ISM1: variants seen among roughly 807,000 people sequenced by gnomAD.
ISM1 encodes isthmin-1.
A neutral mutation model predicts 46.3 loss-of-function variants in ISM1; 25 were observed. The observed-to-expected ratio is 0.54, with a 90% CI of 0.39 to 0.75. ISM1 has a LOEUF of 0.75. Ranked by LOEUF, ISM1 falls within the 30% of genes least tolerant of loss-of-function variation. The pLI, the probability that ISM1 is intolerant of heterozygous loss-of-function variation, is 0.00. For synonymous variants in ISM1, 255 were observed against 256.7 expected, an observed-to-expected ratio of 0.99 and a Z score of 0.06; for missense variants, 536 against 625.4, an observed-to-expected ratio of 0.86 and a Z score of 1.52.
At chr20:13,282,146 AT>A (rs200082889) in intron 3 of ISM1, among the ~76,000 whole-genome samples, 11 of 150,816 alleles carry the variant, frequency 7.3e-5, no homozygotes, top group East Asian at 5.9e-4. Flanking sequence ...CACCTGGGGA[AT>A]TTTTTTTTCA....
chr20:13,254,741 C>T lies in ISM1; in HGVS notation c.139-15763C>T, dbSNP rs138003515. ...GTCACCACACAGGTAAGGGCCAACACAGGAACAGAGCCAGGGAGAACTTTT... is the reference window on the plus strand; with the variant it reads ...GTCACCACACAGGTAAGGGCCAACATAGGAACAGAGCCAGGGAGAACTTTT... On this transcript the variant is annotated intron_variant, in intron 1 of 5. Transcript: ENST00000262487. Among the ~76,000 whole-genome samples, 396 of 152,334 alleles carry T rather than the reference C, an allele frequency of 2.6e-3. 3 individuals are homozygous for T. Among genetic ancestry groups the T allele is most frequent in the African/African-American group, 8.9e-3 (369 of 41,568 alleles).
the ISM1 span, among the ~76,000 whole-genome samples, chr20:13,307,724 T>C: frequency 0.79 from 119,934 of 152,216 alleles, 47,492 homozygotes; most frequent in East Asian, 0.87. Flanking sequence ...TTTTGCTCAA[T>C]ATTGGATTGT....
intron 1 of ISM1, among the ~76,000 whole-genome samples, chr20:13,244,809 C>T (rs1033019720): frequency 3.3e-5 from 5 of 152,162 alleles, no homozygotes; most frequent in Non-Finnish European, 5.9e-5. Flanking sequence ...AGGTGTGTTT[C>T]ACCTAAGTGT....
At chr20:13,322,135 A>C in the ISM1 span, among the ~76,000 whole-genome samples, 6 of 152,200 alleles carry the variant, frequency 3.9e-5, no homozygotes, top group Admixed American at 1.3e-4. Context: ...TAATGTCGTA[A>C]AGAGATTCTC....
Position 13,248,171 on chromosome 20 carries a change from T to G in ISM1, c.139-22333T>G, listed in dbSNP as rs2039824088. 2.0e-5 allele frequency among the ~76,000 whole-genome samples: 3 copies of G among 152,360 alleles called. No individual in the cohort carries two copies. The South Asian group carries it at 6.2e-4, about 32-fold the overall frequency. On this transcript the variant is annotated intron_variant, in intron 1 of 5. Transcript: ENST00000262487. Reference sequence around the variant, plus strand: ...CGATTCATAGTAGTACATTTCTTTGTGTGCACAAATTGTCAGATATTCTTA... The same window carrying G: ...CGATTCATAGTAGTACATTTCTTTGGGTGCACAAATTGTCAGATATTCTTA...
chr20:13,241,130 C>T (rs909606876), intron 1 of ISM1, among the ~76,000 whole-genome samples: 3 of 152,080 alleles, frequency 2.0e-5, no homozygotes, highest in Non-Finnish European at 4.4e-5. Flanking sequence ...GAGAAGTGCT[C>T]ATTCAACTGG....
At chr20:13,251,384 G>A (rs1158829587) in intron 1 of ISM1, among the ~76,000 whole-genome samples, 1 of 152,226 alleles carries the variant, frequency 6.6e-6, no homozygotes, top group East Asian at 1.9e-4. Flanking sequence ...AAGTGATGGA[G>A]AGTGTGAAGG....
At chr20:13,296,081 C>T (rs978872108) in intron 5 of ISM1, among the ~76,000 whole-genome samples, 2 of 152,182 alleles carry the variant, frequency 1.3e-5, no homozygotes, top group African/African-American at 4.8e-5. Flanking sequence ...TTAATGCACC[C>T]CACATTCCAC....
intron 1 of ISM1, among the ~76,000 whole-genome samples, chr20:13,224,286 G>C (rs1600471881): frequency 6.6e-6 from 1 of 152,118 alleles, no homozygotes; most frequent in Admixed American, 6.5e-5. Context: ...CCTGACCAAA[G>C]TTATTTCTTT....
intron 5 of ISM1, among the ~76,000 whole-genome samples, chr20:13,295,897 C>A (rs2040402330): frequency 6.6e-6 from 1 of 152,192 alleles, no homozygotes; most frequent in African/African-American, 2.4e-5. Context: ...GCAAAGCATC[C>A]ACAGCAGGTT....
At chr20:13,321,253 T>TTTAA in the ISM1 span, among the ~76,000 whole-genome samples, 2 of 57,524 alleles carry the variant, frequency 3.5e-5, no homozygotes, top group African/African-American at 1.5e-4. Context: ...GTGCCCCACA[T>TTTAA]AAAAAAAAAA....
Position 13,221,787 on chromosome 20 carries a change from T to A in ISM1, c.11T>A (p.Leu4Gln). The A allele has an allele frequency of 1.4e-6, 2 of 1,450,916 alleles. No homozygotes were observed. The highest frequency in any genetic ancestry group is 1.8e-6 in the Non-Finnish European group (2 of 1,106,956). The allele number at this position is 1,450,916 out of a possible 1,614,324, so 89.9% of individuals were successfully genotyped here. ...GCGCGTCTCAAAAGGATGGTGCGCCTGGCGGCCGAGCTGCTGCTGCTGCTG... is the reference window on the plus strand; with the variant it reads ...GCGCGTCTCAAAAGGATGGTGCGCCAGGCGGCCGAGCTGCTGCTGCTGCTG... MVRLAAELLLLLGL... is the reference protein window; with the variant it reads MVRQAAELLLLLGL... The change falls in exon 1 of 6, where the codon CTG (leucine) becomes CAG (glutamine). Residue 4 changes from leucine (L) to glutamine (Q), a missense_variant. Leu to Gln is a moderately radical substitution (Grantham distance 113). Transcript: ENST00000262487.
chr20:13,242,921 G>A (rs559364069), intron 1 of ISM1, among the ~76,000 whole-genome samples: 1 of 152,252 alleles, frequency 6.6e-6, no homozygotes, highest in South Asian at 2.1e-4. Context: ...ACTTTTTTAA[G>A]CATTTGATTA....
At chr20:13,259,141 G>A (rs1300095183) in intron 1 of ISM1, among the ~76,000 whole-genome samples, 1 of 152,054 alleles carries the variant, frequency 6.6e-6, no homozygotes, top group Non-Finnish European at 1.5e-5. Flanking sequence ...AAATTAGCCA[G>A]GCATGGTGGT....
chr20:13,221,919 G>A lies in ISM1; in HGVS notation c.138+5G>A. Reference sequence around the variant, plus strand: ...GCCAGCCAAGCCCAGCTGCAGGTGAGTGCGCCGCCGGAGAGGGCCGTGCGC... The same window carrying A: ...GCCAGCCAAGCCCAGCTGCAGGTGAATGCGCCGCCGGAGAGGGCCGTGCGC... On this transcript the variant is annotated splice_donor_5th_base_variant and intron_variant, in intron 1 of 5. Coordinates refer to ENST00000262487, the MANE Select transcript of ISM1 (RefSeq NM_080826.2). 7.5e-7 allele frequency: 1 copy of A among 1,338,700 alleles called. No individual in the cohort carries two copies. The highest frequency in any genetic ancestry group is 1.9e-5 in the South Asian group (1 of 51,428). 82.9% of individuals were successfully genotyped at this position (1,338,700 alleles called of 1,614,324 possible).
intron 1 of ISM1, among the ~76,000 whole-genome samples, chr20:13,270,064 C>G (rs1455305814): frequency 6.6e-6 from 1 of 152,078 alleles, no homozygotes; most frequent in Admixed American, 6.6e-5. Flanking sequence ...AGAACTATAT[C>G]CAGCTTGGTC....
intron 5 of ISM1, among the ~76,000 whole-genome samples, chr20:13,295,342 T>G (rs985795537): frequency 2.9e-4 from 44 of 152,200 alleles, no homozygotes; most frequent in Admixed American, 1.8e-3. Context: ...GGCTCCCTAG[T>G]ACCCGCTGAA....
intron 1 of ISM1, among the ~76,000 whole-genome samples, chr20:13,236,203 G>A (rs56773411): frequency 0.012 from 1,902 of 152,262 alleles, 41 homozygotes; most frequent in African/African-American, 0.043. Context: ...GATTACAGTC[G>A]TGAGCCAATG....
At chr20:13,240,973 G>A (rs1280475140) in intron 1 of ISM1, among the ~76,000 whole-genome samples, 3 of 152,212 alleles carry the variant, frequency 2.0e-5, no homozygotes, top group Non-Finnish European at 4.4e-5. Context: ...AGGCTGTGAA[G>A]TGGACAGGGA....
Sources: gnomAD v4.1 joint callset for allele counts (sites outside exome capture counted in the v4.1 genomes callset) on GRCh38, gnomAD v4.1.1 for gene constraint, MANE v1.5 for transcripts, NCBI Gene and HGNC (gene_info 2026-07-23, HGNC 2026-07-21) for gene names.